IQSEC1: variants seen among roughly 807,000 people sequenced by gnomAD.
IQSEC1 encodes the protein IQ motif and SEC7 domain-containing protein 1.
Under a neutral mutation model 91.0 loss-of-function variants are expected in IQSEC1, and 31 were observed. The ratio of observed to expected loss-of-function variants is 0.34; its 90% CI spans 0.26 to 0.46. The LOEUF (loss-of-function observed/expected upper bound fraction) is 0.46, where lower values mean the gene tolerates loss of function less well. Ranked by LOEUF, IQSEC1 falls within the 20% of genes least tolerant of loss-of-function variation. The pLI, the probability that IQSEC1 is intolerant of heterozygous loss-of-function variation, is 1.00. For missense variants in IQSEC1, 1,388 were observed against 1,575.6 expected (o/e 0.88, Z 2.02); for synonymous variants, 699 against 662.6 (o/e 1.05, Z -0.84).
intron 1 of IQSEC1, among the ~76,000 whole-genome samples, chr3:12,964,249 T>C (rs1249447316): frequency 6.6e-6 from 1 of 151,830 alleles, no homozygotes; most frequent in Non-Finnish European, 1.5e-5. Flanking sequence ...CAATTTGCTT[T>C]TGAGGACAAA....
rs1219565702 is a variant in IQSEC1, at chr3:12,940,892, A to G, written c.318+679T>C. ...GGCCTCGCTCTTTCCTCTGCACCCC[A>G]GGATTCTCCTCTCCTGGCTCAACCC... On this transcript the variant is annotated intron_variant, in intron 2 of 13. Transcript: ENST00000613206. The surrounding 1 kb of genome is among the most constrained non-coding windows in gnomAD (Gnocchi z 4.4). Among the ~76,000 whole-genome samples the G allele has an allele frequency of 1.3e-5, 2 of 152,160 alleles. No individual in the cohort carries two copies. The highest frequency in any genetic ancestry group is 4.8e-5 in the African/African-American group (2 of 41,438).
Position 12,935,752 on chromosome 3 carries a change from C to G in IQSEC1, c.1264G>C (p.Glu422Gln). The G allele has an allele frequency of 6.2e-7, 1 of 1,609,710 alleles. No individual in the cohort carries two copies. The highest frequency in any genetic ancestry group is 8.5e-7 in the Non-Finnish European group (1 of 1,179,728). Residue 422 changes from glutamate to glutamine, a missense_variant, in exon 3 of 14, where the codon GAG (glutamate) becomes CAG (glutamine). Physicochemically the swap from Glu to Gln is conservative, Grantham distance 29. Transcript: ENST00000613206. This position sits in a 1 kb window ranked among gnomAD's most constrained non-coding sequence, Gnocchi z 8.0. ...GGCCTGGGGGGCCGGGGCCGCAACT[C>G]AGGCTCCTCCCGGGGGAGGCTCTTG... ...APKSLPREEP[E>Q]LRPRPPRPLD...
At chr3:13,087,814 A>G (rs573923904) in intron 2 of IQSEC1, among the ~76,000 whole-genome samples, 2 of 152,330 alleles carry the variant, frequency 1.3e-5, no homozygotes, top group African/African-American at 4.8e-5. Context: ...ACCCTGCTGC[A>G]TCCTCCCGTG....
intron 1 of IQSEC1, among the ~76,000 whole-genome samples, chr3:12,975,747 G>C (rs192297177): frequency 6.6e-6 from 1 of 152,188 alleles, no homozygotes; most frequent in African/African-American, 2.4e-5. Context: ...TCCAGAAAAA[G>C]AAACCAAGGC....
chr3:13,205,089 C>T (rs2125054803), intron 1 of IQSEC1, among the ~76,000 whole-genome samples: 1 of 152,190 alleles, frequency 6.6e-6, no homozygotes, highest in East Asian at 1.9e-4. Flanking sequence ...TGAGCCACCG[C>T]GCCTGGCCCG....
intron 2 of IQSEC1, among the ~76,000 whole-genome samples, chr3:13,141,399 C>A (rs1050549576): frequency 2.0e-5 from 3 of 152,236 alleles, no homozygotes; most frequent in Non-Finnish European, 2.9e-5. Context: ...AGCTTGCCAG[C>A]CATGGGGCCG....
At chr3:13,023,318 C>A (rs112019951) in intron 1 of IQSEC1, among the ~76,000 whole-genome samples, 3,090 of 152,300 alleles carry the variant, frequency 0.02, 37 homozygotes, top group Non-Finnish European at 0.027. Context: ...CTGGTCTCCA[C>A]CAGCTGCTCC....
chr3:12,954,888 C>T (rs376657345), intron 1 of IQSEC1, among the ~76,000 whole-genome samples: 5 of 152,312 alleles, frequency 3.3e-5, no homozygotes, highest in African/African-American at 9.6e-5. Context: ...AGCCACAGAG[C>T]GGGGCAGAAC....
At chr3:13,155,471 A>T (rs1707071743) in intron 2 of IQSEC1, among the ~76,000 whole-genome samples, 1 of 152,246 alleles carries the variant, frequency 6.6e-6, no homozygotes, top group Non-Finnish European at 1.5e-5. Flanking sequence ...AAGGAGACTG[A>T]ATTAGTAATC....
chr3:12,920,601 G>A lies in IQSEC1; in HGVS notation c.1854-5C>T, dbSNP rs115632343. 0.033 allele frequency: 52,564 copies of A among 1,613,742 alleles called. 1,066 individuals carry two copies. The highest frequency in any genetic ancestry group is 0.09 in the Middle Eastern group (542 of 6,046). ...TTGCAGATGCAGTAGCGCTGGCTGC[G>A]GGCCGGGAGGGAGGGGGTCAGGGCC... On this transcript the variant is annotated splice_region_variant and splice_polypyrimidine_tract_variant and intron_variant, in intron 5 of 13. Transcript: ENST00000613206.
rs1217078654 is a variant in IQSEC1, at chr3:12,935,206, G to A, written c.1568+242C>T. On this transcript the variant is annotated intron_variant, in intron 3 of 13. Coordinates refer to ENST00000613206, the MANE Select transcript of IQSEC1 (RefSeq NM_001134382.3). This position sits in a 1 kb window ranked among gnomAD's most constrained non-coding sequence, Gnocchi z 8.0. The stretch of plus-strand genomic sequence containing the variant: ...GACTCAAGTTGCTTCGGCACAGAAA[G>A]CTCCCATTCTGCCCCTGCTCAGCCT... Among the ~76,000 whole-genome samples, 3 of 152,210 alleles carry A rather than the reference G, an allele frequency of 2.0e-5. No homozygotes were observed. Among genetic ancestry groups the A allele is most frequent in the Non-Finnish European group, 4.4e-5 (3 of 68,034 alleles).
chr3:13,135,648 G>A (rs530280153), intron 2 of IQSEC1, among the ~76,000 whole-genome samples: 8 of 152,232 alleles, frequency 5.3e-5, no homozygotes, highest in South Asian at 2.1e-4. Flanking sequence ...GCAAGGAGCC[G>A]GAGTGGGTGG....
Position 13,073,156 on chromosome 3 carries a change from GC to G in IQSEC1, c.-143del. On this transcript the variant is annotated 5_prime_UTR_variant, in exon 1 of 14. Coordinates refer to ENST00000613206, the MANE Select transcript of IQSEC1 (RefSeq NM_001134382.3). ...GGGGCGAGTCACATTCCCGGGGGTG[GC>G]GGGCTCCTCCAGGGAGGCTGGGGCG... The G allele has an allele frequency of 6.0e-6, 6 of 994,982 alleles. No individual in the cohort carries two copies. The highest frequency in any genetic ancestry group is 7.5e-6 in the Non-Finnish European group (5 of 662,260). The allele number at this position is 994,982 out of a possible 1,614,324, so 61.6% of individuals were successfully genotyped here.
chr3:13,276,700 C>T (rs1695688143), intron 1 of IQSEC1, among the ~76,000 whole-genome samples: 1 of 152,224 alleles, frequency 6.6e-6, no homozygotes, highest in African/African-American at 2.4e-5. Context: ...AAGGCATTGG[C>T]AACCTCAAGG....
intron 2 of IQSEC1, among the ~76,000 whole-genome samples, chr3:13,130,764 C>T (rs1370860595): frequency 6.6e-6 from 1 of 151,884 alleles, no homozygotes; most frequent in Non-Finnish European, 1.5e-5. Flanking sequence ...TGGCGAAACC[C>T]TATCTCTACA....
Position 12,936,109 on chromosome 3 carries a change from G to A in IQSEC1, c.907C>T (p.Pro303Ser). The A allele has an allele frequency of 6.2e-7, 1 of 1,611,458 alleles. No individual in the cohort carries two copies. The highest frequency in any genetic ancestry group is 8.5e-7 in the Non-Finnish European group (1 of 1,179,812). ...IDEEELSPPLPLSQAGDRPSS... is the reference protein window; with the variant it reads ...IDEEELSPPLSLSQAGDRPSS... ...GGCCGGTCCCCTGCCTGCGAGAGGG[G>A]CAGAGGGGGCGACAGCTCCTCCTCA... The change falls in exon 3 of 14, where the codon CCC (proline) becomes TCC (serine). Residue 303 changes from proline to serine, a missense_variant. By Grantham distance (74) the Pro-to-Ser change is moderately conservative. Coordinates refer to ENST00000613206, the MANE Select transcript of IQSEC1 (RefSeq NM_001134382.3).
intron 1 of IQSEC1, among the ~76,000 whole-genome samples, chr3:13,051,164 A>C (rs1704676907): frequency 1.3e-5 from 2 of 152,184 alleles, no homozygotes; most frequent in African/African-American, 4.8e-5. Context: ...CAGAGCTGCC[A>C]GTCAGCTAGG....
Position 13,211,300 on chromosome 3 carries a change from G to A in IQSEC1, c.273-47167C>T, listed in dbSNP as rs1011303959. ...GAACATGAAAGGCCTTCTTGGCAGC[G>A]AGCTCTTCATCCTGTTGCTCCTGAA... On this transcript the variant is annotated intron_variant, in intron 1 of 15. Transcript: ENST00000648114. This position sits in a 1 kb window ranked among gnomAD's most constrained non-coding sequence, Gnocchi z 5.3. Among the ~76,000 whole-genome samples, 11 of 152,206 alleles carry A rather than the reference G, an allele frequency of 7.2e-5. No homozygotes were observed. The highest frequency in any genetic ancestry group is 4.6e-4 in the Admixed American group (7 of 15,294).
chr3:12,924,753 A>G lies in IQSEC1; in HGVS notation c.1569-11T>C. On this transcript the variant is annotated splice_polypyrimidine_tract_variant and intron_variant, in intron 3 of 13. Coordinates refer to ENST00000613206, the MANE Select transcript of IQSEC1 (RefSeq NM_001134382.3). The surrounding 1 kb of genome is among the most constrained non-coding windows in gnomAD (Gnocchi z 6.3). ...CCCTTCTCAGGCTTCCTGGGGTAGG[A>G]CGAGAGGCACACTCAGTCCCAGCTG... is the stretch of plus-strand genomic sequence containing the variant. The G allele has an allele frequency of 3.2e-6, 5 of 1,553,104 alleles. No individual in the cohort carries two copies. The highest frequency in any genetic ancestry group is 4.4e-6 in the Non-Finnish European group (5 of 1,143,476).
Sources: gnomAD v4.1 joint callset for allele counts (sites outside exome capture counted in the v4.1 genomes callset) on GRCh38, gnomAD v4.1.1 for gene constraint, Gnocchi (gnomAD v3.1) non-coding constraint, MANE v1.5 for transcripts, NCBI Gene and HGNC (gene_info 2026-07-23, HGNC 2026-07-21) for gene names.